DPP6: variants seen among roughly 807,000 people sequenced by gnomAD.
DPP6 encodes the protein A-type potassium channel modulatory protein DPP6.
In DPP6, 69 loss-of-function variants were observed where a neutral mutation model predicts 122.6. The ratio of observed to expected loss-of-function variants is 0.56; its 90% CI spans 0.46 to 0.69. The LOEUF is 0.69. Ranked by LOEUF, DPP6 falls within the 30% of genes least tolerant of loss-of-function variation. The pLI is 0.00. For missense variants in DPP6, 928 were observed against 1,116.9 expected (o/e 0.83, Z 2.41); for synonymous variants, 418 against 433.1 (o/e 0.97, Z 0.43).
intron 5 of DPP6, among the ~76,000 whole-genome samples, chr7:154,599,994 C>G (rs1198856038): frequency 6.6e-6 from 1 of 152,140 alleles, no homozygotes; most frequent in African/African-American, 2.4e-5. Flanking sequence ...TAAGGTCTAT[C>G]CTTTTCTTCA....
chr7:154,854,834 G>A (rs574761843), intron 17 of DPP6, among the ~76,000 whole-genome samples: 7 of 152,304 alleles, frequency 4.6e-5, no homozygotes, highest in Admixed American at 3.9e-4. Flanking sequence ...AAGAGAACTC[G>A]CCCTCGGTCC....
chr7:154,156,370 T>C (rs1346358220), intron 1 of DPP6, among the ~76,000 whole-genome samples: 1 of 152,220 alleles, frequency 6.6e-6, no homozygotes, highest in African/African-American at 2.4e-5. Context: ...CAGAGTACTA[T>C]AGGGGCAGCC....
chr7:154,116,675 C>T (rs1807011255), intron 1 of DPP6, among the ~76,000 whole-genome samples: 1 of 152,086 alleles, frequency 6.6e-6, no homozygotes, highest in Admixed American at 6.6e-5. Flanking sequence ...GTTGTTTCTC[C>T]TTATGTCATT....
chr7:154,637,998 T>C (rs1835837616), intron 6 of DPP6, 125 bp downstream of exon 6: 2 of 1,062,798 alleles, frequency 1.9e-6, no homozygotes, highest in South Asian at 1.6e-5. Flanking sequence ...CCAAGGGTGC[T>C]GGTATCGTGG....
intron 1 of DPP6, among the ~76,000 whole-genome samples, chr7:154,248,767 G>A (rs558612051): frequency 3.3e-5 from 5 of 152,056 alleles, no homozygotes; most frequent in Non-Finnish European, 5.9e-5. Context: ...TCAGGAGGCT[G>A]CAGCAGGAGA....
intron 1 of DPP6, among the ~76,000 whole-genome samples, chr7:154,183,384 G>T (rs925215350): frequency 6.6e-6 from 1 of 152,162 alleles, no homozygotes. Context: ...AAGGTGCCTG[G>T]GTGAGTTGAA....
intron 1 of DPP6, among the ~76,000 whole-genome samples, chr7:154,422,562 A>AGATG (rs1817551562): frequency 6.6e-6 from 1 of 152,106 alleles, no homozygotes; most frequent in South Asian, 2.1e-4. Flanking sequence ...AGCACATTTT[A>AGATG]GATGGATGGA....
intron 1 of DPP6, among the ~76,000 whole-genome samples, chr7:153,951,867 AC>A: frequency 6.6e-6 from 1 of 151,860 alleles, no homozygotes; most frequent in African/African-American, 2.4e-5. Context: ...ACATGGTGAA[AC>A]CCCGTCTCTA....
At chr7:153,966,966 C>G (rs1795775049) in intron 1 of DPP6, among the ~76,000 whole-genome samples, 1 of 151,000 alleles carries the variant, frequency 6.6e-6, no homozygotes, top group South Asian at 2.1e-4. Context: ...ACTTGGGAGG[C>G]TGAGGTGGGA....
chr7:154,237,720 A>G (rs553343157), intron 1 of DPP6, among the ~76,000 whole-genome samples: 22 of 152,340 alleles, frequency 1.4e-4, no homozygotes, highest in African/African-American at 4.6e-4. Context: ...CTGGCCCAGC[A>G]GATGCTTCAG....
chr7:154,052,722 T>G lies in DPP6; in HGVS notation c.-99T>G. On this transcript the variant is annotated 5_prime_UTR_variant, in exon 1 of 26. Transcript: ENST00000377770. This position sits in a 1 kb window ranked among gnomAD's most constrained non-coding sequence, Gnocchi z 4.8. ...TGCTGCTGCTGCCTCCCCACCGCCT[T>G]TTTTTTTTTTTAATCTGGAGCGGGG... 2.9e-6 allele frequency: 1 copy of G among 342,842 alleles called. No homozygotes were observed. Among genetic ancestry groups the G allele is most frequent in the East Asian group, 1.8e-4 (1 of 5,452 alleles). The allele number at this position is 342,842 out of a possible 1,614,324, so 21.2% of individuals were successfully genotyped here. A position where few individuals can be genotyped will look rare whatever the true frequency, so the allele number is the denominator to read the frequency against.
intron 5 of DPP6, among the ~76,000 whole-genome samples, chr7:154,630,108 C>T (rs1041515093): frequency 6.6e-6 from 1 of 152,210 alleles, no homozygotes; most frequent in African/African-American, 2.4e-5. Flanking sequence ...TGCAAGTTCA[C>T]CCAGCAAGTG....
At chr7:154,406,505 G>A (rs1328564939) in intron 1 of DPP6, among the ~76,000 whole-genome samples, 1 of 151,110 alleles carries the variant, frequency 6.6e-6, no homozygotes, top group African/African-American at 2.4e-5. Context: ...ACACATACAT[G>A]CACACACATC....
Position 154,087,375 on chromosome 7 carries a change from C to G in DPP6, c.243+34312C>G, listed in dbSNP as rs534347309. On this transcript the variant is annotated intron_variant, in intron 1 of 25. Coordinates refer to ENST00000377770, the MANE Select transcript of DPP6 (RefSeq NM_130797.4). ...AGTTTAAATTGGCAAGTAATGGGAG[C>G]TGAACTGTGCTTTTCAAAGACTACT... Among the ~76,000 whole-genome samples the G allele has an allele frequency of 2.0e-5, 3 of 152,254 alleles. No homozygotes were observed. In the East Asian group the frequency reaches 5.8e-4, roughly 29 times the overall value.
At chr7:153,974,933 G>A (rs1318905015) in intron 1 of DPP6, among the ~76,000 whole-genome samples, 1 of 152,222 alleles carries the variant, frequency 6.6e-6, no homozygotes, top group Non-Finnish European at 1.5e-5. Flanking sequence ...TGGAAATGAA[G>A]CTAATCCTTC....
At chr7:154,485,726 A>G (rs1823727058) in intron 3 of DPP6, among the ~76,000 whole-genome samples, 1 of 152,254 alleles carries the variant, frequency 6.6e-6, no homozygotes, top group African/African-American at 2.4e-5. Context: ...AATTGAAAGG[A>G]TAACAGTAGC....
chr7:154,277,504 C>T (rs1243231968), intron 1 of DPP6, among the ~76,000 whole-genome samples: 1 of 152,212 alleles, frequency 6.6e-6, no homozygotes, highest in East Asian at 1.9e-4. Context: ...AGGCTCACGC[C>T]TGTAATCCCA....
Position 154,490,010 on chromosome 7 carries a change from C to A in DPP6, c.457+14973C>A, listed in dbSNP as rs1824137712. ...CCAAAGAAGGGAAAGATGGAATAAA[C>A]CTCGGAAGTTCAAAGTAGCAGAATG... On this transcript the variant is annotated intron_variant, in intron 3 of 25. Transcript: ENST00000377770. 2.0e-5 allele frequency among the ~76,000 whole-genome samples: 3 copies of A among 152,304 alleles called. No individual in the cohort carries two copies. The South Asian group carries it at 6.2e-4, about 32-fold the overall frequency.
chr7:153,833,003 A>C, the DPP6 span, among the ~76,000 whole-genome samples: 1 of 152,236 alleles, frequency 6.6e-6, no homozygotes, highest in Non-Finnish European at 1.5e-5. Context: ...AATGTGACAC[A>C]GCTAAGGTGC....
Sources: gnomAD v4.1 joint callset for allele counts (sites outside exome capture counted in the v4.1 genomes callset) on GRCh38, gnomAD v4.1.1 for gene constraint, Gnocchi (gnomAD v3.1) non-coding constraint, MANE v1.5 for transcripts, NCBI Gene and HGNC (gene_info 2026-07-23, HGNC 2026-07-21) for gene names.